The following OVOL1 variants were observed in gnomAD, a reference collection of about 807,000 sequenced individuals.
The protein encoded by OVOL1 is ovo like transcriptional repressor 1, also known as putative transcription factor Ovo-like 1.
Under a neutral mutation model 21.5 loss-of-function variants are expected in OVOL1, and 10 were observed. The ratio of observed to expected loss-of-function variants is 0.46; its 90% CI spans 0.29 to 0.79. The LOEUF (loss-of-function observed/expected upper bound fraction) is 0.79. Ranked by LOEUF, OVOL1 falls within the 30% of genes least tolerant of loss-of-function variation. The pLI, the probability that OVOL1 is intolerant of heterozygous loss-of-function variation, is 0.10. For synonymous variants in OVOL1, 129 were observed against 150.3 expected, an observed-to-expected ratio of 0.86 and a Z score of 1.03; for missense variants, 279 against 362.3, an observed-to-expected ratio of 0.77 and a Z score of 1.87.
At position 65,794,768 on chromosome 11, in the gene OVOL1, G is replaced by A. The variant is rs563960747; in HGVS notation, c.508+41G>A. On this transcript the variant is annotated intron_variant, in intron 3 of 3. Transcript: ENST00000335987. ...CGGCTGGGAGGAGCACGCCGGATCC[G>A]CCTGGCCGCGGCCGTGCGGGAAAAG... is the stretch of plus-strand genomic sequence containing the variant. 61 of 1,587,174 alleles carry A rather than the reference G, an allele frequency of 3.8e-5. 1 individual carries two copies. In the South Asian group the frequency reaches 5.6e-4, roughly 15 times the overall value.
chr11:65,788,973 C>T, intron 1 of OVOL1: 1 of 985,796 alleles, frequency 1.0e-6, no homozygotes, highest in Non-Finnish European at 1.2e-6. Context: ...GCTCCGCCCT[C>T]CGCCCTCCAC....
At chr11:65,792,031 G>A (rs983465002) in intron 1 of OVOL1, among the ~76,000 whole-genome samples, 5 of 152,218 alleles carry the variant, frequency 3.3e-5, no homozygotes, top group Admixed American at 6.5e-5. Flanking sequence ...CCCTGGCAGC[G>A]GGTGGCCGCC....
chr11:65,787,529 G>C, intron 1 of OVOL1, 56 bp downstream of exon 1: 1 of 1,039,794 alleles, frequency 9.6e-7, no homozygotes, highest in Non-Finnish European at 1.3e-6. Context: ...CGAGGCTGCG[G>C]GCGGGCGGGC....
Position 65,796,160 on chromosome 11 carries a change from C to T in OVOL1, c.*819C>T, listed in dbSNP as rs1427546328. 4 of 152,566 alleles carry T rather than the reference C, an allele frequency of 2.6e-5. No homozygotes were observed. Among genetic ancestry groups the T allele is most frequent in the Admixed American group, 2.6e-4 (4 of 15,272 alleles). 9.5% of individuals were successfully genotyped at this position (152,566 alleles called of 1,614,324 possible). On this transcript the variant is annotated 3_prime_UTR_variant, in exon 4 of 4. Coordinates refer to ENST00000335987, the MANE Select transcript of OVOL1 (RefSeq NM_004561.4). ...TTCTATTTATCCTGGACATTTCAAA[C>T]CTCCTCTGTGCCTTGGCTCTGGGCG...
chr11:65,794,964 T>G, intron 3 of OVOL1, 82 bp from the exon 4 acceptor site: 1 of 1,438,624 alleles, frequency 7.0e-7, no homozygotes, highest in African/African-American at 1.4e-5. Flanking sequence ...GCAGGGGTCC[T>G]GTCCTTTCTG....
chr11:65,790,469 C>T (rs1187965256), intron 1 of OVOL1: 2 of 152,298 alleles, frequency 1.3e-5, no homozygotes, highest in Non-Finnish European at 2.9e-5. Context: ...GAATGTGGTC[C>T]AGCCTGGCTC....
At chr11:65,793,923 G>A in intron 1 of OVOL1, 108 bp from the exon 2 acceptor site, 1 of 804,810 alleles carries the variant, frequency 1.2e-6, no homozygotes, top group Non-Finnish European at 2.0e-6. Flanking sequence ...TGCGATGGGA[G>A]GGACGGAGTC....
chr11:65,789,859 G>A (rs539768917), intron 1 of OVOL1: 2 of 185,108 alleles, frequency 1.1e-5, no homozygotes, highest in Admixed American at 6.5e-5. Context: ...TCCCCAGCCC[G>A]ACAGCACTGA....
rs766429054 is a variant in OVOL1, at chr11:65,787,424, G to A, written c.51G>A (p.Arg17=). The change falls in exon 1 of 4, where the codon AGG becomes AGA. Residue 17 remains arginine (R), a synonymous_variant. Transcript: ENST00000335987. The stretch of plus-strand genomic sequence containing the variant: ...AGCCGTGCGTCTCCACGTGCAAGAG[G>A]AACTGGAGCGAGCTCCCCGACGAGG... ...VKKPCVSTCK[R]NWSELPDEER... is the part of the protein sequence containing the mutation. 2 of 1,591,982 alleles carry A rather than the reference G, an allele frequency of 1.3e-6. No homozygotes were observed. The highest frequency in any genetic ancestry group is 1.7e-6 in the Non-Finnish European group (2 of 1,168,982).
chr11:65,787,525 TGCGG>T (rs57832245), intron 1 of OVOL1, 52 bp downstream of exon 1: 705 of 1,082,514 alleles, frequency 6.5e-4, no homozygotes, highest in East Asian at 1.5e-3. Flanking sequence ...GCGTCGAGGC[TGCGG>T]GCGGGCGGGC....
At position 65,795,171 on chromosome 11, in the gene OVOL1, C is replaced by T. The variant is rs745322354; in HGVS notation, c.634C>T (p.Leu212=). 1.9e-6 allele frequency: 3 copies of T among 1,613,132 alleles called. No homozygotes were observed. In the Admixed American group the frequency reaches 5.0e-5, roughly 27 times the overall value. ...CGCGTACAAGGAGCGGCGGGCCAAG[C>T]TGTACGTGTGTGAGGAGTGCGGCTG... ...KYAYKERRAK[L]YVCEECGCTS... is the part of the protein sequence containing the mutation. The change falls in exon 4 of 4, where the codon CTG becomes TTG. Residue 212 remains leucine, a synonymous_variant. Transcript: ENST00000335987. This position sits in a 1 kb window ranked among gnomAD's most constrained non-coding sequence, Gnocchi z 5.7.
chr11:65,791,826 C>T (rs562815026), intron 1 of OVOL1, among the ~76,000 whole-genome samples: 3 of 152,370 alleles, frequency 2.0e-5, no homozygotes, highest in South Asian at 4.1e-4. Context: ...CCGGAAACAT[C>T]TAATTAGGGA....
At chr11:65,793,122 C>T (rs927589439) in intron 1 of OVOL1, among the ~76,000 whole-genome samples, 4 of 152,342 alleles carry the variant, frequency 2.6e-5, no homozygotes, top group South Asian at 4.1e-4. Context: ...GAAAAATTTG[C>T]CCCGGCTCTG....
At chr11:65,794,866 C>T in intron 3 of OVOL1, 139 bp downstream of exon 3, 2 of 1,021,502 alleles carry the variant, frequency 2.0e-6, no homozygotes, top group Non-Finnish European at 2.9e-6. Context: ...CCAAAGTCCT[C>T]CTGAGCTCAT....
intron 3 of OVOL1, 24 bp downstream of exon 3, chr11:65,794,751 A>G (rs771975220): frequency 1.2e-6 from 2 of 1,607,508 alleles, no homozygotes; most frequent in Non-Finnish European, 1.7e-6. Flanking sequence ...CACGGCTGGG[A>G]GGAGCACGCC....
chr11:65,792,609 A>G (rs1858043036), intron 1 of OVOL1, among the ~76,000 whole-genome samples: 1 of 152,200 alleles, frequency 6.6e-6, no homozygotes, highest in African/African-American at 2.4e-5. Context: ...GCCAGCCCAG[A>G]GGCCAGGCCG....
At chr11:65,791,783 C>T (rs1590999602) in intron 1 of OVOL1, among the ~76,000 whole-genome samples, 2 of 152,332 alleles carry the variant, frequency 1.3e-5, no homozygotes, top group African/African-American at 2.4e-5. Context: ...CAGCTGTGGG[C>T]GGGTGATGAG....
At chr11:65,787,882 G>C (rs528292131) in intron 1 of OVOL1, among the ~76,000 whole-genome samples, 24 of 152,356 alleles carry the variant, frequency 1.6e-4, no homozygotes, top group Admixed American at 3.9e-4. Flanking sequence ...TGCCACTTTG[G>C]GGGGCGGGGA....
chr11:65,794,334 T>G (rs56019505), intron 2 of OVOL1, 86 bp downstream of exon 2: 170,674 of 1,310,784 alleles, frequency 0.13, 12,233 homozygotes, highest in East Asian at 0.25. Context: ...AAATGAGATG[T>G]AGGCAGAGAC....
Sources: allele counts gnomAD v4.1 joint callset (sites outside exome capture counted in the v4.1 genomes callset), GRCh38; gene constraint gnomAD v4.1.1; non-coding constraint Gnocchi (gnomAD v3.1); transcripts MANE v1.5; gene names NCBI Gene and HGNC (gene_info 2026-07-23, HGNC 2026-07-21).